The following DLC1 variants were observed in gnomAD, a reference collection of about 807,000 sequenced individuals.
The protein encoded by DLC1 is rho GTPase-activating protein 7.
DLC1 carries 54 observed loss-of-function variants against 140.3 expected under a neutral mutation model. The ratio of observed to expected loss-of-function variants is 0.38; its 90% CI spans 0.31 to 0.48. DLC1 has a LOEUF of 0.48. DLC1 is among the 20% of genes least tolerant of loss of function. The probability of loss-of-function intolerance (pLI) is 0.96; values close to 1 mark genes in which losing one functional copy is unlikely to be tolerated. For synonymous variants in DLC1, 986 were observed against 728.1 expected (o/e 1.35, Z -5.70); for missense variants, 2,536 against 1,907.0 (o/e 1.33, Z -6.14).
At position 13,085,404 on chromosome 8, in the gene DLC1, C is replaced by G. The variant is rs1194914171; in HGVS notation, c.*407G>C. The G allele has an allele frequency of 6.4e-6, 1 of 156,724 alleles. No individual in the cohort carries two copies. Among genetic ancestry groups the G allele is most frequent in the Non-Finnish European group, 1.4e-5 (1 of 70,666 alleles). 9.7% of individuals were successfully genotyped at this position (156,724 alleles called of 1,614,324 possible). A position where few individuals can be genotyped will look rare whatever the true frequency, so the allele number is the denominator to read the frequency against. ...GCTCATCTTGGTGAGAAAACACATC[C>G]AAGAGTACCAACTATTCCAGTGGAT... On this transcript the variant is annotated 3_prime_UTR_variant, in exon 18 of 18. Coordinates refer to ENST00000276297, the MANE Select transcript of DLC1 (RefSeq NM_182643.3).
At chr8:13,521,014 G>T (rs1802748718) in intron 1 of DLC1, among the ~76,000 whole-genome samples, 4 of 152,072 alleles carry the variant, frequency 2.6e-5, no homozygotes, top group African/African-American at 9.7e-5. Flanking sequence ...CAGCCCATGA[G>T]TGATAGACTG....
At chr8:13,399,543 C>G (rs949922079) in intron 3 of DLC1, among the ~76,000 whole-genome samples, 4 of 152,118 alleles carry the variant, frequency 2.6e-5, no homozygotes, top group African/African-American at 9.7e-5. Flanking sequence ...GATCTGATCC[C>G]CTATCCCCAT....
chr8:13,233,627 T>C (rs2117210009), intron 5 of DLC1, among the ~76,000 whole-genome samples: 1 of 152,342 alleles, frequency 6.6e-6, no homozygotes, highest in South Asian at 2.1e-4. Flanking sequence ...AAAGATGCTA[T>C]AATATCATAG....
chr8:13,242,732 C>T (rs914614049), intron 5 of DLC1, among the ~76,000 whole-genome samples: 3 of 152,074 alleles, frequency 2.0e-5, no homozygotes, highest in African/African-American at 7.2e-5. Flanking sequence ...TTGGAGAAGG[C>T]TTATATTTTC....
intron 4 of DLC1, among the ~76,000 whole-genome samples, chr8:13,362,204 G>C (rs1023053778): frequency 6.6e-6 from 1 of 152,282 alleles, no homozygotes; most frequent in South Asian, 2.1e-4. Flanking sequence ...CTGCAGGGAA[G>C]ATGACCTCGA....
intron 2 of DLC1, among the ~76,000 whole-genome samples, chr8:13,406,768 C>A (rs917719481): frequency 1.3e-5 from 2 of 152,146 alleles, no homozygotes; most frequent in African/African-American, 4.8e-5. Context: ...GCAAGTGCTT[C>A]TGTGTTCTAT....
chr8:13,488,910 G>T (rs1379498669), intron 2 of DLC1, among the ~76,000 whole-genome samples: 1 of 151,994 alleles, frequency 6.6e-6, no homozygotes, highest in Non-Finnish European at 1.5e-5. Flanking sequence ...TAAATATTTA[G>T]CCAACGAATG....
intron 3 of DLC1, among the ~76,000 whole-genome samples, chr8:13,395,526 C>G (rs1321836449): frequency 1.3e-5 from 2 of 152,142 alleles, no homozygotes; most frequent in Non-Finnish European, 2.9e-5. Context: ...AGAATAGTGC[C>G]TGGCAGATAG....
At chr8:13,505,018 T>G (rs975915836) in intron 1 of DLC1, among the ~76,000 whole-genome samples, 2 of 152,144 alleles carry the variant, frequency 1.3e-5, no homozygotes, top group Non-Finnish European at 2.9e-5. Flanking sequence ...TATGACATAT[T>G]GAGAGGAATT....
chr8:13,321,278 GC>G (rs1468065317), intron 4 of DLC1, among the ~76,000 whole-genome samples: 8 of 152,218 alleles, frequency 5.3e-5, no homozygotes, highest in Non-Finnish European at 1.2e-4. Context: ...AATGGCTCAT[GC>G]CTGTAATCTC....
chr8:13,420,287 A>G (rs1417385015), intron 2 of DLC1, among the ~76,000 whole-genome samples: 5 of 152,134 alleles, frequency 3.3e-5, no homozygotes, highest in East Asian at 1.9e-4. Flanking sequence ...TGTGTCTCCA[A>G]GGATTTTCTT....
chr8:13,518,766 A>G (rs1585236499), upstream of DLC1, among the ~76,000 whole-genome samples: 1 of 152,310 alleles, frequency 6.6e-6, no homozygotes, highest in East Asian at 1.9e-4. Flanking sequence ...CCTTGAAAGT[A>G]TTTTGAAATA....
Position 13,500,065 on chromosome 8 carries a change from C to G in DLC1, c.7G>C (p.Val3Leu). 1 of 1,612,514 alleles carries G rather than the reference C, an allele frequency of 6.2e-7. No homozygotes were observed. Among genetic ancestry groups the G allele is most frequent in the South Asian group, 1.1e-5 (1 of 91,020 alleles). ...TCCCAGCTTCTCTTTCTGATAGCTA[C>G]AGACATGTCATCGTAGTTTAACAAC... is the stretch of plus-strand genomic sequence containing the variant. MS[V>L]AIRKRSWEEH... Residue 3 changes from valine to leucine, a missense_variant, in exon 2 of 18, where the codon GTA becomes CTA. Val to Leu is a conservative substitution (Grantham distance 32). Coordinates refer to ENST00000276297, the MANE Select transcript of DLC1 (RefSeq NM_182643.3).
intron 5 of DLC1, among the ~76,000 whole-genome samples, chr8:13,178,254 CA>C (rs1295988558): frequency 2.0e-5 from 3 of 151,956 alleles, no homozygotes; most frequent in Admixed American, 6.6e-5. Context: ...GGCAACCCCC[CA>C]AAAAAACTAT....
intron 2 of DLC1, among the ~76,000 whole-genome samples, chr8:13,468,351 C>CCCCT (rs1800045063): frequency 9.3e-6 from 1 of 107,982 alleles, no homozygotes; most frequent in Non-Finnish European, 1.9e-5. Flanking sequence ...CCCCTCCCCT[C>CCCCT]CCCTCCCCTC....
chr8:13,281,125 T>C (rs540779474), intron 5 of DLC1, among the ~76,000 whole-genome samples: 2 of 152,380 alleles, frequency 1.3e-5, no homozygotes, highest in Admixed American at 1.3e-4. Context: ...ATCTAGCGTG[T>C]ATGTTATATG....
chr8:13,305,084 C>G, intron 5 of DLC1, 185 bp downstream of exon 5: 1 of 1,270,388 alleles, frequency 7.9e-7, no homozygotes, highest in Non-Finnish European at 1.0e-6. Flanking sequence ...GTCATTATGT[C>G]AGAAAACCAC....
intron 1 of DLC1, among the ~76,000 whole-genome samples, chr8:13,502,411 G>A (rs767101613): frequency 1.3e-5 from 2 of 151,740 alleles, no homozygotes; most frequent in Non-Finnish European, 2.9e-5. Context: ...ATTACATTTG[G>A]CATCTTCATT....
chr8:13,301,371 G>C (rs566007975), intron 5 of DLC1, among the ~76,000 whole-genome samples: 1 of 152,142 alleles, frequency 6.6e-6, no homozygotes, highest in Admixed American at 6.5e-5. Flanking sequence ...TTAGTACCAC[G>C]AGGAAGCATT....
Sources: allele counts gnomAD v4.1 joint callset (sites outside exome capture counted in the v4.1 genomes callset), GRCh38; gene constraint gnomAD v4.1.1; transcripts MANE v1.5; gene names NCBI Gene and HGNC (gene_info 2026-07-23, HGNC 2026-07-21).